CDYL2: variants seen among roughly 807,000 people sequenced by gnomAD.
CDYL2 encodes the protein chromodomain Y like 2.
CDYL2 carries 23 observed loss-of-function variants against 49.4 expected under a neutral mutation model. The observed-to-expected ratio is 0.47, with a 90% confidence interval of 0.34 to 0.66. CDYL2 has a LOEUF of 0.66. CDYL2 is among the 30% of genes least tolerant of loss of function. The pLI, the probability that CDYL2 is intolerant of heterozygous loss-of-function variation, is 0.01. For missense variants in CDYL2, 678 were observed against 656.4 expected (o/e 1.03, Z -0.36); for synonymous variants, 360 against 268.8 (o/e 1.34, Z -3.32).
At chr16:80,689,092 G>T (rs1432497102) in intron 1 of CDYL2, among the ~76,000 whole-genome samples, 1 of 152,122 alleles carries the variant, frequency 6.6e-6, no homozygotes, top group Non-Finnish European at 1.5e-5. Context: ...ATGAATGAAT[G>T]AATGACATTA....
intron 1 of CDYL2, among the ~76,000 whole-genome samples, chr16:80,777,552 A>C (rs1469451667): frequency 6.6e-6 from 1 of 152,180 alleles, no homozygotes; most frequent in Non-Finnish European, 1.5e-5. Flanking sequence ...AACCAAATAT[A>C]TGGAAGAGAT....
At position 80,711,990 on chromosome 16, in the gene CDYL2, T is replaced by C. The variant is rs577747619; in HGVS notation, c.25-26861A>G. 1.6e-4 allele frequency among the ~76,000 whole-genome samples: 24 copies of C among 151,140 alleles called. No individual in the cohort carries two copies. The South Asian group carries it at 4.6e-3, about 29-fold the overall frequency. ...ATGTGTATACACATATATATATGTA[T>C]GTATATATATGTGTGTATATATGTG... is the stretch of plus-strand genomic sequence containing the variant. On this transcript the variant is annotated intron_variant, in intron 1 of 6. Coordinates refer to ENST00000570137, the MANE Select transcript of CDYL2 (RefSeq NM_152342.4).
At chr16:80,713,367 G>A (rs1438020322) in intron 1 of CDYL2, among the ~76,000 whole-genome samples, 1 of 152,158 alleles carries the variant, frequency 6.6e-6, no homozygotes, top group Non-Finnish European at 1.5e-5. Context: ...GCCATTTGTA[G>A]ACACACCTCC....
At chr16:80,705,927 A>C (rs1904389154) in intron 1 of CDYL2, among the ~76,000 whole-genome samples, 1 of 152,250 alleles carries the variant, frequency 6.6e-6, no homozygotes, top group Admixed American at 6.5e-5. Flanking sequence ...ATCTTTCTTC[A>C]AGTTATCCCA....
intron 1 of CDYL2, among the ~76,000 whole-genome samples, chr16:80,787,888 A>G (rs1907488283): frequency 6.6e-6 from 1 of 152,180 alleles, no homozygotes. Flanking sequence ...AAGCATGCAG[A>G]CATATTTGCT....
At chr16:80,613,728 T>C (rs951315505) in intron 4 of CDYL2, among the ~76,000 whole-genome samples, 1 of 152,224 alleles carries the variant, frequency 6.6e-6, no homozygotes, top group Non-Finnish European at 1.5e-5. Context: ...GTATGATCTA[T>C]AAAATTTTAA....
intron 2 of CDYL2, among the ~76,000 whole-genome samples, chr16:80,674,306 T>C (rs1185539699): frequency 6.6e-6 from 1 of 152,098 alleles, no homozygotes; most frequent in Non-Finnish European, 1.5e-5. Context: ...ATGGGGGCTG[T>C]CGAGGAAATT....
chr16:80,758,420 T>C (rs1301627321), intron 1 of CDYL2, among the ~76,000 whole-genome samples: 1 of 152,074 alleles, frequency 6.6e-6, no homozygotes, highest in East Asian at 1.9e-4. Context: ...GGGGAGGTAA[T>C]TTCGAAGTAA....
intron 3 of CDYL2, among the ~76,000 whole-genome samples, chr16:80,623,204 G>C (rs932164592): frequency 6.6e-6 from 1 of 151,850 alleles, no homozygotes; most frequent in Non-Finnish European, 1.5e-5. Context: ...CCCGACGTAT[G>C]ACAGGGGGTT....
At chr16:80,699,540 G>A (rs1239845014) in intron 1 of CDYL2, among the ~76,000 whole-genome samples, 2 of 152,110 alleles carry the variant, frequency 1.3e-5, no homozygotes, top group African/African-American at 2.4e-5. Context: ...GATAGGGAGA[G>A]GTTAGTTAAT....
At chr16:80,671,146 T>G (rs1909486876) in intron 2 of CDYL2, among the ~76,000 whole-genome samples, 1 of 152,106 alleles carries the variant, frequency 6.6e-6, no homozygotes, top group Non-Finnish European at 1.5e-5. Flanking sequence ...GGCTCCTTAT[T>G]AATAGCTCTC....
In CDYL2 at chr16:80,703,847, C is replaced by T. The variant is rs145694636; in HGVS notation, c.25-18718G>A. ...GCCTGAGCTTGGATGACAAGCCTCACCTGCGGAGCCACGTTAGCATCAAAC... is the reference window on the plus strand; with the variant it reads ...GCCTGAGCTTGGATGACAAGCCTCATCTGCGGAGCCACGTTAGCATCAAAC... On this transcript the variant is annotated intron_variant, in intron 1 of 6. Coordinates refer to ENST00000570137, the MANE Select transcript of CDYL2 (RefSeq NM_152342.4). Among the ~76,000 whole-genome samples the T allele has an allele frequency of 7.9e-5, 12 of 152,312 alleles. No individual in the cohort carries two copies. In the East Asian group the frequency reaches 2.3e-3, roughly 29 times the overall value.
At chr16:80,753,955 G>T (rs770183345) in intron 1 of CDYL2, among the ~76,000 whole-genome samples, 2 of 152,184 alleles carry the variant, frequency 1.3e-5, no homozygotes, top group Non-Finnish European at 1.5e-5. Flanking sequence ...AGGTTTGTGG[G>T]AAGAACAGAT....
intron 2 of CDYL2, among the ~76,000 whole-genome samples, chr16:80,634,551 A>G (rs111864124): frequency 0.059 from 8,935 of 152,246 alleles, 797 homozygotes; most frequent in African/African-American, 0.2. Context: ...ATGTAAATGA[A>G]GAGTTAATGG....
intron 1 of CDYL2, among the ~76,000 whole-genome samples, chr16:80,687,228 G>A (rs906546280): frequency 3.3e-5 from 5 of 152,216 alleles, no homozygotes; most frequent in African/African-American, 1.2e-4. Context: ...GATATTTCCT[G>A]GGAGCTAAGG....
At chr16:80,613,757 G>C (rs540364600) in intron 4 of CDYL2, among the ~76,000 whole-genome samples, 1 of 152,284 alleles carries the variant, frequency 6.6e-6, no homozygotes, top group African/African-American at 2.4e-5. Flanking sequence ...TGGACATGGA[G>C]GAAAGACACA....
chr16:80,755,906 C>A (rs975997612), intron 1 of CDYL2, among the ~76,000 whole-genome samples: 5 of 152,190 alleles, frequency 3.3e-5, no homozygotes, highest in South Asian at 4.1e-4. Context: ...TTTCTGTAAA[C>A]CTAAAACTGC....
chr16:80,685,258 C>T (rs891040765), intron 1 of CDYL2, 129 bp from the exon 2 acceptor site: 5 of 676,918 alleles, frequency 7.4e-6, no homozygotes, highest in African/African-American at 1.8e-5. Context: ...GAGCCACGAG[C>T]CATTCAATGC....
chr16:80,697,492 TTTCC>T (rs1310493245), intron 1 of CDYL2, among the ~76,000 whole-genome samples: 1 of 152,074 alleles, frequency 6.6e-6, no homozygotes, highest in Non-Finnish European at 1.5e-5. Flanking sequence ...GTTGGAAGCT[TTTCC>T]TCTAAGAACT....
Sources: allele counts gnomAD v4.1 joint callset (sites outside exome capture counted in the v4.1 genomes callset), GRCh38; gene constraint gnomAD v4.1.1; transcripts MANE v1.5; gene names NCBI Gene and HGNC (gene_info 2026-07-23, HGNC 2026-07-21).